Variants in NUDCD3 observed in about 807,000 individuals in gnomAD.
NUDCD3 encodes nudC domain-containing protein 3.
NUDCD3 carries 13 observed loss-of-function variants against 39.7 expected under a neutral mutation model. The observed-to-expected ratio is 0.33, with a 90% confidence interval of 0.21 to 0.52. The LOEUF is 0.52. Among genes scored for constraint, NUDCD3 ranks in the 20% least tolerant of loss-of-function variants. NUDCD3 has a pLI of 0.96. For synonymous variants in NUDCD3, 175 were observed against 172.4 expected (o/e 1.02, Z -0.12); for missense variants, 453 against 458.1 (o/e 0.99, Z 0.10).
chr7:44,448,316 T>G (rs955146895), intron 2 of NUDCD3, among the ~76,000 whole-genome samples: 2 of 152,310 alleles, frequency 1.3e-5, no homozygotes, highest in Admixed American at 1.3e-4. Context: ...CAGGGCAGCC[T>G]TTTCATCAGT....
At chr7:44,404,893 C>G (rs780738877) in intron 3 of NUDCD3, among the ~76,000 whole-genome samples, 14 of 152,308 alleles carry the variant, frequency 9.2e-5, no homozygotes, top group Admixed American at 3.3e-4. Context: ...GACCAATTGT[C>G]ACAGCAAAAA....
intron 1 of NUDCD3, chr7:44,485,579 C>T (rs1271749067): frequency 3.5e-6 from 1 of 283,470 alleles, no homozygotes; most frequent in East Asian, 6.8e-5. Flanking sequence ...TTTTACAGAC[C>T]CCAGTCTTGT....
At chr7:44,468,390 AGGGAGAC>A in intron 2 of NUDCD3, 2 of 1,081,218 alleles carry the variant, frequency 1.8e-6, no homozygotes, top group Non-Finnish European at 2.6e-6. Context: ...ACTAAGGCCC[AGGGAGAC>A]GAAAGAATTT....
chr7:44,479,619 T>C (rs1338187750), intron 2 of NUDCD3, among the ~76,000 whole-genome samples: 1 of 152,230 alleles, frequency 6.6e-6, no homozygotes, highest in Non-Finnish European at 1.5e-5. Context: ...AAGGGAGTTT[T>C]TGCCTAATAC....
Position 44,385,978 on chromosome 7 carries a change from C to G in NUDCD3, c.*33G>C, listed in dbSNP as rs377073413. 1.1e-4 allele frequency: 122 copies of G among 1,093,486 alleles called. No individual in the cohort carries two copies. Among genetic ancestry groups the G allele is most frequent in the Admixed American group, 2.2e-4 (13 of 59,124 alleles). The allele number at this position is 1,093,486 out of a possible 1,614,324, so 67.7% of individuals were successfully genotyped here. On this transcript the variant is annotated 3_prime_UTR_variant, in exon 6 of 6. Transcript: ENST00000355451. ...GCAGCCGAGGATAAGGCTCTGCCTC[C>G]CCACCGGCGAGGGTTTCCTTTCCTT...
intron 1 of NUDCD3, among the ~76,000 whole-genome samples, chr7:44,489,635 T>G (rs921206290): frequency 1.3e-5 from 2 of 152,202 alleles, no homozygotes; most frequent in Non-Finnish European, 2.9e-5. Context: ...TTCTCAACCA[T>G]CATTTCTATT....
intron 2 of NUDCD3, among the ~76,000 whole-genome samples, chr7:44,442,903 C>T (rs1799617936): frequency 6.6e-6 from 1 of 151,940 alleles, no homozygotes; most frequent in Admixed American, 6.6e-5. Flanking sequence ...GGGGTTTCAC[C>T]GTATTAGCCA....
At chr7:44,452,218 T>C (rs1329485788) in intron 2 of NUDCD3, among the ~76,000 whole-genome samples, 1 of 152,162 alleles carries the variant, frequency 6.6e-6, no homozygotes, top group Non-Finnish European at 1.5e-5. Context: ...CAAGGCAGGA[T>C]GATCGCTTGA....
At chr7:44,459,654 CCTAA>C (rs1368145182) in intron 2 of NUDCD3, among the ~76,000 whole-genome samples, 2 of 152,174 alleles carry the variant, frequency 1.3e-5, no homozygotes, top group African/African-American at 4.8e-5. Flanking sequence ...CAACTGCTTT[CCTAA>C]CTGTCACACA....
At chr7:44,465,622 G>A (rs536147118) in intron 2 of NUDCD3, among the ~76,000 whole-genome samples, 1 of 152,282 alleles carries the variant, frequency 6.6e-6, no homozygotes. Context: ...GCATAGATAA[G>A]TATGCTTGTA....
intron 3 of NUDCD3, among the ~76,000 whole-genome samples, chr7:44,415,252 T>A (rs1299569719): frequency 6.6e-6 from 1 of 152,182 alleles, no homozygotes; most frequent in Non-Finnish European, 1.5e-5. Flanking sequence ...AGGTTTATAA[T>A]CACCCAGGTC....
Position 44,385,903 on chromosome 7 carries a change from T to C in NUDCD3, c.*108A>G, listed in dbSNP as rs1798392346. On this transcript the variant is annotated 3_prime_UTR_variant, in exon 6 of 6. Transcript: ENST00000355451. ...GTTCACCCTTGAAAGAAAGGATGGC[T>C]AGGGGTAAACAAGACGAGCAAGTCC... 3.0e-6 allele frequency: 2 copies of C among 677,716 alleles called. No homozygotes were observed. The highest frequency in any genetic ancestry group is 5.3e-5 in the East Asian group (2 of 37,960). 42.0% of individuals were successfully genotyped at this position (677,716 alleles called of 1,614,324 possible). A position where few individuals can be genotyped will look rare whatever the true frequency, so the allele number is the denominator to read the frequency against.
At chr7:44,490,334 T>G in intron 1 of NUDCD3, 75 bp downstream of exon 1, 1 of 1,362,880 alleles carries the variant, frequency 7.3e-7, no homozygotes, top group South Asian at 1.5e-5. Flanking sequence ...CTGGGAGAGC[T>G]TGGAGGAGCG....
intron 2 of NUDCD3, among the ~76,000 whole-genome samples, chr7:44,478,483 G>A (rs537680786): frequency 2.0e-5 from 3 of 152,266 alleles, no homozygotes; most frequent in South Asian, 2.1e-4. Context: ...AACCTGGGAG[G>A]TGGAAGTTGC....
chr7:44,389,530 C>T (rs1260683340), intron 5 of NUDCD3, among the ~76,000 whole-genome samples: 1 of 152,182 alleles, frequency 6.6e-6, no homozygotes, highest in Non-Finnish European at 1.5e-5. Flanking sequence ...TACAAAAATA[C>T]AAAATAAGGA....
chr7:44,439,194 GCAA>G (rs1484689492), intron 2 of NUDCD3, among the ~76,000 whole-genome samples: 2 of 152,180 alleles, frequency 1.3e-5, no homozygotes, highest in African/African-American at 4.8e-5. Flanking sequence ...CATAACCACA[GCAA>G]CAACAGAAGT....
At chr7:44,421,330 C>CT (rs1168668874) in intron 3 of NUDCD3, among the ~76,000 whole-genome samples, 2 of 54,522 alleles carry the variant, frequency 3.7e-5, no homozygotes, top group East Asian at 9.4e-4. Context: ...AAGACTCCGT[C>CT]TAAAAAAAAA....
chr7:44,410,428 C>T (rs370585346), intron 3 of NUDCD3, among the ~76,000 whole-genome samples: 68 of 152,100 alleles, frequency 4.5e-4, no homozygotes, highest in African/African-American at 9.9e-4. Context: ...TTTGGGAGGC[C>T]GAGGTGGGTG....
intron 1 of NUDCD3, among the ~76,000 whole-genome samples, chr7:44,488,105 G>C (rs900188303): frequency 6.6e-6 from 1 of 152,084 alleles, no homozygotes; most frequent in Non-Finnish European, 1.5e-5. Context: ...AGGAGGCCGA[G>C]GCAGGCAGAA....
Sources: gnomAD v4.1 joint callset for allele counts (sites outside exome capture counted in the v4.1 genomes callset) on GRCh38, gnomAD v4.1.1 for gene constraint, MANE v1.5 for transcripts, NCBI Gene and HGNC (gene_info 2026-07-23, HGNC 2026-07-21) for gene names.